Variants in EYA1 observed in about 807,000 individuals in gnomAD.
The protein encoded by EYA1 is protein phosphatase EYA1.
Under a neutral mutation model 82.0 loss-of-function variants are expected in EYA1, and 16 were observed. The ratio of observed to expected loss-of-function variants is 0.20; its 90% CI spans 0.13 to 0.30. The LOEUF is 0.30. Ranked by LOEUF, EYA1 falls within the 10% of genes least tolerant of loss-of-function variation. The probability of loss-of-function intolerance (pLI) is 1.00; values close to 1 mark genes in which losing one functional copy is unlikely to be tolerated. For missense variants in EYA1, 633 were observed against 730.7 expected, an observed-to-expected ratio of 0.87 and a Z score of 1.54; for synonymous variants, 261 against 264.4, an observed-to-expected ratio of 0.99 and a Z score of 0.12.
At chr8:71,525,690 G>A (rs1021985579) in intron 2 of EYA1, among the ~76,000 whole-genome samples, 5 of 152,148 alleles carry the variant, frequency 3.3e-5, no homozygotes, top group Middle Eastern at 3.4e-3. Flanking sequence ...TTTAATAGCC[G>A]TGGTGTTTGT....
At chr8:71,418,716 G>A (rs1166156723) in intron 2 of EYA1, among the ~76,000 whole-genome samples, 4 of 152,144 alleles carry the variant, frequency 2.6e-5, no homozygotes, top group African/African-American at 9.7e-5. Flanking sequence ...CTAGGTGTTG[G>A]GGATCTTCTG....
chr8:71,296,503 C>T (rs1174616471), intron 9 of EYA1, among the ~76,000 whole-genome samples: 1 of 151,316 alleles, frequency 6.6e-6, no homozygotes, highest in East Asian at 1.9e-4. Context: ...CTAGATTTGT[C>T]CCTACTGCAT....
chr8:71,469,604 T>C (rs910495908), intron 2 of EYA1, among the ~76,000 whole-genome samples: 3 of 152,154 alleles, frequency 2.0e-5, no homozygotes, highest in Admixed American at 2.0e-4. Flanking sequence ...CATGTAAATA[T>C]ATATGTACTA....
intron 17 of EYA1, among the ~76,000 whole-genome samples, chr8:71,207,407 A>T (rs2128822084): frequency 6.6e-6 from 1 of 152,344 alleles, no homozygotes; most frequent in Middle Eastern, 3.4e-3. Context: ...TTGTAAATTG[A>T]TGACGTCTGA....
upstream of EYA1, among the ~76,000 whole-genome samples, chr8:71,363,765 T>A (rs1359164745): frequency 6.6e-6 from 1 of 152,230 alleles, no homozygotes; most frequent in East Asian, 1.9e-4. Flanking sequence ...CCACATTTAT[T>A]TCTAAGCTCT....
At chr8:71,238,945 G>GTA (rs1306461868) in intron 12 of EYA1, among the ~76,000 whole-genome samples, 1 of 151,836 alleles carries the variant, frequency 6.6e-6, no homozygotes, top group African/African-American at 2.4e-5. Flanking sequence ...AGTATTCAGA[G>GTA]TATAAATTTA....
chr8:71,392,223 C>T (rs950323415), intron 2 of EYA1, among the ~76,000 whole-genome samples: 10 of 151,898 alleles, frequency 6.6e-5, no homozygotes, highest in African/African-American at 1.9e-4. Context: ...GAGGAAGGGA[C>T]GGAAAAAGAA....
chr8:71,418,568 A>G (rs568824265), intron 2 of EYA1, among the ~76,000 whole-genome samples: 120 of 152,326 alleles, frequency 7.9e-4, no homozygotes, highest in African/African-American at 2.9e-3. Context: ...TTCCACACAC[A>G]CACACAACAG....
intron 17 of EYA1, among the ~76,000 whole-genome samples, chr8:71,201,244 A>G (rs1186441281): frequency 3.3e-5 from 5 of 151,794 alleles, no homozygotes; most frequent in African/African-American, 7.3e-5. Flanking sequence ...AAAAGAAAAA[A>G]AAAAACAACC....
intron 9 of EYA1, among the ~76,000 whole-genome samples, chr8:71,282,043 G>T (rs755176054): frequency 6.6e-5 from 10 of 152,126 alleles, no homozygotes; most frequent in Non-Finnish European, 1.3e-4. Context: ...AAGGAACCTG[G>T]CTTCCCATTC....
intron 2 of EYA1, among the ~76,000 whole-genome samples, chr8:71,456,275 A>G (rs1807900419): frequency 1.3e-5 from 2 of 152,240 alleles, no homozygotes; most frequent in Non-Finnish European, 2.9e-5. Context: ...AACAAATGGA[A>G]GAACATTCCA....
intron 2 of EYA1, among the ~76,000 whole-genome samples, chr8:71,418,962 C>T (rs910920591): frequency 4.6e-5 from 7 of 152,136 alleles, no homozygotes; most frequent in Admixed American, 2.6e-4. Flanking sequence ...GGTTAGAATA[C>T]GCTTAAAGCA....
intron 8 of EYA1, 145 bp from the exon 9 acceptor site, chr8:71,299,378 G>T: frequency 1.2e-6 from 1 of 841,968 alleles, no homozygotes; most frequent in Non-Finnish European, 2.0e-6. Context: ...TAACTAAAGA[G>T]CTCAGACTTG....
At chr8:71,229,176 A>T (rs1251609295) in intron 12 of EYA1, among the ~76,000 whole-genome samples, 1 of 152,088 alleles carries the variant, frequency 6.6e-6, no homozygotes, top group Non-Finnish European at 1.5e-5. Flanking sequence ...TCCCTGCACC[A>T]GACAATAGCT....
chr8:71,286,724 T>C (rs1818409921), intron 9 of EYA1, among the ~76,000 whole-genome samples: 1 of 151,942 alleles, frequency 6.6e-6, no homozygotes, highest in Admixed American at 6.6e-5. Flanking sequence ...TCCACACAGA[T>C]CTATGAAGTT....
chr8:71,249,934 C>A (rs771057688), intron 11 of EYA1, among the ~76,000 whole-genome samples: 2 of 152,172 alleles, frequency 1.3e-5, no homozygotes, highest in African/African-American at 2.4e-5. Flanking sequence ...ATTTTCCTAG[C>A]CACCTCTTTT....
At chr8:71,535,910 C>T in intron 1 of EYA1, 1 of 472,802 alleles carries the variant, frequency 2.1e-6, no homozygotes. Flanking sequence ...CAGAGCTGGC[C>T]TTCACATCTG....
At position 71,370,612 on chromosome 8, in the gene EYA1, C is replaced by T. The variant is rs190146741; in HGVS notation, c.34-14101G>A. On this transcript the variant is annotated intron_variant, in intron 2 of 18. Coordinates refer to the EYA1 transcript ENST00000643681. ...AGCAGGTAATAGGAAAACAGCAACA[C>T]ATTTTAATTAATTACTTAGTTAATT... 1.5e-4 allele frequency among the ~76,000 whole-genome samples: 23 copies of T among 151,890 alleles called. No homozygotes were observed. In the East Asian group the frequency reaches 3.7e-3, roughly 24 times the overall value.
chr8:71,507,542 A>G (rs1459479728), intron 2 of EYA1, among the ~76,000 whole-genome samples: 1 of 152,192 alleles, frequency 6.6e-6, no homozygotes, highest in African/African-American at 2.4e-5. Flanking sequence ...CACACATGTA[A>G]TTGTACACAT....
Sources: gnomAD v4.1 joint callset for allele counts (sites outside exome capture counted in the v4.1 genomes callset) on GRCh38, gnomAD v4.1.1 for gene constraint, MANE v1.5 for transcripts, NCBI Gene and HGNC (gene_info 2026-07-23, HGNC 2026-07-21) for gene names.